The following GRAMD1B variants were observed in gnomAD, a reference collection of about 807,000 sequenced individuals.
GRAMD1B encodes the protein GRAM domain containing 1B, also known as protein Aster-B.
A neutral mutation model predicts 99.7 loss-of-function variants in GRAMD1B; 37 were observed. The observed-to-expected ratio is 0.37, with a 90% CI of 0.29 to 0.49. The LOEUF (loss-of-function observed/expected upper bound fraction) is 0.49. GRAMD1B is among the 20% of genes least tolerant of loss of function. GRAMD1B has a pLI of 0.98. For missense variants in GRAMD1B, 888 were observed against 1,009.2 expected (o/e 0.88, Z 1.63); for synonymous variants, 427 against 387.6 (o/e 1.10, Z -1.19).
Position 123,577,397 on chromosome 11 carries a change from G to C in GRAMD1B, c.483G>C (p.Pro161=), listed in dbSNP as rs770422939. The stretch of plus-strand genomic sequence containing the variant: ...CCAGTAACTCCAACCGCAGCACGCC[G>C]GCCTGCTCGCCCATCCTCCGGAAGC... ...STASNSNRST[P]ACSPILRKRS... is the part of the protein sequence containing the mutation. Residue 161 remains proline (P), a synonymous_variant, in exon 3 of 20, where the codon CCG becomes CCC. Coordinates refer to ENST00000635736, the MANE Select transcript of GRAMD1B (RefSeq NM_001387025.1). 2 of 1,594,354 alleles carry C rather than the reference G, an allele frequency of 1.3e-6. No homozygotes were observed. The highest frequency in any genetic ancestry group is 1.8e-5 in the Admixed American group (1 of 57,074).
chr11:123,442,718 C>T (rs528537314), intron 1 of GRAMD1B, among the ~76,000 whole-genome samples: 1 of 152,020 alleles, frequency 6.6e-6, no homozygotes, highest in Non-Finnish European at 1.5e-5. Flanking sequence ...TGCAGTGAGC[C>T]GAGATCGCAC....
chr11:123,606,908 G>A, intron 11 of GRAMD1B, 110 bp downstream of exon 11: 1 of 769,000 alleles, frequency 1.3e-6, no homozygotes, highest in South Asian at 1.8e-5. Flanking sequence ...TGGAGAGATG[G>A]GAGCAGAGCT....
At position 123,560,687 on chromosome 11, in the gene GRAMD1B, T is replaced by TGTGTGTGTGC. The variant is rs1946656201; in HGVS notation, c.453-16671_453-16670insCGTGTGTGTG. On this transcript the variant is annotated intron_variant, in intron 2 of 19. Coordinates refer to ENST00000635736, the MANE Select transcript of GRAMD1B (RefSeq NM_001387025.1). ...AACTCGTGCTGACGCCTGGTGCGTG[T>TGTGTGTGTGC]GTGTGTGTGTGTGTGTGTGTGTGTG... 4 of 16,352 alleles carry TGTGTGTGTGC rather than the reference T, an allele frequency of 2.4e-4. No individual in the cohort carries two copies. In the Admixed American group the frequency reaches 4.0e-3, roughly 16 times the overall value. 1.0% of individuals were successfully genotyped at this position (16,352 alleles called of 1,614,324 possible).
At chr11:123,498,281 C>A (rs1168315919) in intron 2 of GRAMD1B, among the ~76,000 whole-genome samples, 1 of 152,154 alleles carries the variant, frequency 6.6e-6, no homozygotes, top group Non-Finnish European at 1.5e-5. Flanking sequence ...TTTACTTTTC[C>A]CCCTGCTTTT....
chr11:123,469,134 G>A (rs1016229275), intron 1 of GRAMD1B, among the ~76,000 whole-genome samples: 1 of 152,006 alleles, frequency 6.6e-6, no homozygotes. Context: ...GCAAGTAGAA[G>A]GGCTGGAGTG....
chr11:123,532,272 C>T (rs1045265724), intron 2 of GRAMD1B, among the ~76,000 whole-genome samples: 2 of 152,150 alleles, frequency 1.3e-5, no homozygotes, highest in African/African-American at 4.8e-5. Context: ...TGTCATGGCC[C>T]TTCTACCGCA....
chr11:123,449,155 T>C (rs570537554), intron 1 of GRAMD1B, among the ~76,000 whole-genome samples: 5 of 152,404 alleles, frequency 3.3e-5, no homozygotes, highest in Non-Finnish European at 5.9e-5. Flanking sequence ...GGTTCTTGAC[T>C]GAGGTCTTCA....
chr11:123,546,092 T>G (rs1246699355), intron 2 of GRAMD1B, among the ~76,000 whole-genome samples: 1 of 152,184 alleles, frequency 6.6e-6, no homozygotes, highest in Non-Finnish European at 1.5e-5. Flanking sequence ...TGGATGGAAT[T>G]GAAGGAAAAC....
intron 1 of GRAMD1B, among the ~76,000 whole-genome samples, chr11:123,362,998 A>T (rs1946196646): frequency 6.6e-6 from 1 of 151,986 alleles, no homozygotes; most frequent in African/African-American, 2.4e-5. Flanking sequence ...AAAGAGGAGG[A>T]GGGAGAGGAA....
At chr11:123,509,523 A>G (rs149751407) in intron 2 of GRAMD1B, among the ~76,000 whole-genome samples, 1 of 152,342 alleles carries the variant, frequency 6.6e-6, no homozygotes, top group Admixed American at 6.5e-5. Context: ...GGTTCACCAG[A>G]GCGTACACCC....
Position 123,440,039 on chromosome 11 carries a change from C to T in GRAMD1B, c.374+8873C>T, listed in dbSNP as rs539588596. Among the ~76,000 whole-genome samples the T allele has an allele frequency of 3.3e-4, 51 of 152,248 alleles. No individual in the cohort carries two copies. In the South Asian group the frequency reaches 1.0e-2, roughly 30 times the overall value. On this transcript the variant is annotated intron_variant, in intron 1 of 19. Transcript: ENST00000635736. ...AGCGCCCAGTTTGGGGATGGTAACC[C>T]TTGCAATATTTGCCTCAGCAATTAG...
intron 1 of GRAMD1B, chr11:123,435,543 A>T: frequency 1.5e-6 from 1 of 671,782 alleles, no homozygotes; most frequent in South Asian, 1.6e-5. Context: ...AATGGTAAAG[A>T]CAGCATGGCT....
intron 1 of GRAMD1B, among the ~76,000 whole-genome samples, chr11:123,439,446 C>T (rs909428753): frequency 7.2e-5 from 11 of 152,200 alleles, no homozygotes; most frequent in African/African-American, 2.4e-4. Flanking sequence ...CAGATATTGT[C>T]ATATAGCTCG....
In GRAMD1B at chr11:123,430,385, TGA is replaced by T. The variant is rs2134165689; in HGVS notation, c.-404_-403del. The T allele has an allele frequency of 5.1e-6, 1 of 195,572 alleles. No individual in the cohort carries two copies. The highest frequency in any genetic ancestry group is 1.5e-4 in the East Asian group (1 of 6,646). The allele number at this position is 195,572 out of a possible 1,614,324, so 12.1% of individuals were successfully genotyped here. A position where few individuals can be genotyped will look rare whatever the true frequency, so the allele number is the denominator to read the frequency against. On this transcript the variant is annotated 5_prime_UTR_variant, in exon 1 of 20. Coordinates refer to ENST00000635736, the MANE Select transcript of GRAMD1B (RefSeq NM_001387025.1). ...ACCTGGTCTGCTGAACGCAAACCGC[TGA>T]GAGTTTGCTGCACCGCCCCCTGGGG...
intron 3 of GRAMD1B, among the ~76,000 whole-genome samples, 188 bp downstream of exon 3, chr11:123,577,765 G>T (rs1483999641): frequency 6.6e-6 from 1 of 151,824 alleles, no homozygotes; most frequent in Admixed American, 6.6e-5. Context: ...TATCTTCCCC[G>T]CTAAGCATTC....
At chr11:123,606,583 G>A (rs1456897004) in intron 10 of GRAMD1B, 26 bp from the exon 11 acceptor site, 2 of 1,591,044 alleles carry the variant, frequency 1.3e-6, no homozygotes, top group Non-Finnish European at 1.7e-6. Flanking sequence ...TTTCCCTGGT[G>A]GGTGACTCCT....
Position 123,598,792 on chromosome 11 carries a change from A to T in GRAMD1B, c.970-1676A>T. ...CATCCAGGAAAGATCCCATTCTCCC[A>T]TTTCTTCTCAAATTCAGCCTGAATC... On this transcript the variant is annotated intron_variant, in intron 7 of 19. Transcript: ENST00000635736. 5 of 999,506 alleles carry T rather than the reference A, an allele frequency of 5.0e-6. No individual in the cohort carries two copies. The South Asian group carries it at 6.3e-5, about 13-fold the overall frequency. 61.9% of individuals were successfully genotyped at this position (999,506 alleles called of 1,614,324 possible). A position where few individuals can be genotyped will look rare whatever the true frequency, so the allele number is the denominator to read the frequency against.
chr11:123,487,482 G>T (rs1456954370), intron 2 of GRAMD1B, among the ~76,000 whole-genome samples: 1 of 152,262 alleles, frequency 6.6e-6, no homozygotes. Flanking sequence ...GGGGTAGCTA[G>T]TGAGTGGCCA....
intron 1 of GRAMD1B, among the ~76,000 whole-genome samples, chr11:123,416,981 T>C (rs1948252194): frequency 2.0e-5 from 3 of 152,232 alleles, no homozygotes; most frequent in Admixed American, 2.0e-4. Context: ...AACTCAGATT[T>C]TCTAAATCCA....
Sources: gnomAD v4.1 joint callset for allele counts (sites outside exome capture counted in the v4.1 genomes callset) on GRCh38, gnomAD v4.1.1 for gene constraint, MANE v1.5 for transcripts, NCBI Gene and HGNC (gene_info 2026-07-23, HGNC 2026-07-21) for gene names.